Variants in RPS6KC1 observed in about 807,000 individuals in gnomAD.
RPS6KC1 encodes ribosomal protein S6 kinase C1.
RPS6KC1 carries 54 observed loss-of-function variants against 103.8 expected under a neutral mutation model. That is an observed-to-expected ratio of 0.52 (90% confidence interval 0.42 to 0.65). The LOEUF is 0.65. Ranked by LOEUF, RPS6KC1 falls within the 30% of genes least tolerant of loss-of-function variation. The pLI is 0.00. For missense variants in RPS6KC1, 1,151 were observed against 1,253.8 expected (o/e 0.92, Z 1.24); for synonymous variants, 439 against 438.7 (o/e 1.00, Z -0.01).
chr1:213,392,297 G>C, the RPS6KC1 span, among the ~76,000 whole-genome samples: 1 of 152,086 alleles, frequency 6.6e-6, no homozygotes. Flanking sequence ...AGTGTGAGTA[G>C]GGAAGGCAGG....
chr1:213,331,152 G>A, the RPS6KC1 span, among the ~76,000 whole-genome samples: 1 of 152,230 alleles, frequency 6.6e-6, no homozygotes, highest in Admixed American at 6.5e-5. Flanking sequence ...CAGGAGACTA[G>A]TAAGCTAAAA....
At chr1:213,851,480 T>C in the RPS6KC1 span, among the ~76,000 whole-genome samples, 2 of 152,208 alleles carry the variant, frequency 1.3e-5, no homozygotes, top group Non-Finnish European at 2.9e-5. Context: ...ATCTTAAATG[T>C]TGACACCCTC....
the RPS6KC1 span, among the ~76,000 whole-genome samples, chr1:213,453,115 C>G: frequency 2.6e-5 from 4 of 152,048 alleles, no homozygotes; most frequent in Admixed American, 2.0e-4. Flanking sequence ...CCTTGTTATT[C>G]TCATCCACTG....
chr1:213,489,400 C>T, the RPS6KC1 span, among the ~76,000 whole-genome samples: 2 of 152,054 alleles, frequency 1.3e-5, no homozygotes, highest in Admixed American at 6.6e-5. Context: ...AGGGACATAA[C>T]GCTTAGGAAT....
At chr1:213,572,217 G>T in the RPS6KC1 span, among the ~76,000 whole-genome samples, 3,341 of 152,344 alleles carry the variant, frequency 0.022, 48 homozygotes, top group Middle Eastern at 0.037. Flanking sequence ...TGGAGGGGAA[G>T]GCTGGAGCTG....
intron 6 of RPS6KC1, among the ~76,000 whole-genome samples, chr1:213,140,740 G>A (rs951210902): frequency 5.9e-5 from 9 of 151,890 alleles, no homozygotes; most frequent in Non-Finnish European, 4.4e-5. Context: ...CCTTTTGCTA[G>A]TATTTTATTG....
the RPS6KC1 span, among the ~76,000 whole-genome samples, chr1:213,369,866 G>A: frequency 6.6e-6 from 1 of 152,168 alleles, no homozygotes; most frequent in Admixed American, 6.5e-5. Context: ...GCCTGGGTTC[G>A]GGGGAAGTGA....
intron 6 of RPS6KC1, among the ~76,000 whole-genome samples, chr1:213,132,378 A>G (rs1484513720): frequency 1.3e-5 from 2 of 152,218 alleles, no homozygotes; most frequent in Non-Finnish European, 1.5e-5. Context: ...CAGACAAACT[A>G]TGGGAACCAC....
the RPS6KC1 span, among the ~76,000 whole-genome samples, chr1:213,541,829 G>C: frequency 6.6e-6 from 1 of 152,134 alleles, no homozygotes; most frequent in Non-Finnish European, 1.5e-5. Flanking sequence ...GGGAGGGCCT[G>C]GGCAAAACTT....
At chr1:213,165,713 G>A (rs983964357) in intron 6 of RPS6KC1, among the ~76,000 whole-genome samples, 3 of 152,066 alleles carry the variant, frequency 2.0e-5, no homozygotes, top group South Asian at 2.1e-4. Context: ...GTGAGCCACC[G>A]CGCCCGGCCA....
the RPS6KC1 span, among the ~76,000 whole-genome samples, chr1:213,387,076 G>T: frequency 6.6e-6 from 1 of 152,176 alleles, no homozygotes; most frequent in African/African-American, 2.4e-5. Context: ...GGACAAGCTG[G>T]ACACAGCACC....
At chr1:213,845,736 A>G in the RPS6KC1 span, among the ~76,000 whole-genome samples, 1 of 152,154 alleles carries the variant, frequency 6.6e-6, no homozygotes, top group Non-Finnish European at 1.5e-5. Context: ...TGGTTCCTCC[A>G]CTTTCTAGCT....
chr1:213,759,461 A>AT, the RPS6KC1 span, among the ~76,000 whole-genome samples: 1 of 152,040 alleles, frequency 6.6e-6, no homozygotes, highest in Non-Finnish European at 1.5e-5. Flanking sequence ...TTTCTGTTTC[A>AT]TTTACTCATT....
the RPS6KC1 span, among the ~76,000 whole-genome samples, chr1:213,526,829 T>C: frequency 6.6e-6 from 1 of 152,236 alleles, no homozygotes; most frequent in East Asian, 1.9e-4. Context: ...TTAGCCCAAT[T>C]TGTGTTACTG....
At chr1:213,446,784 T>C in the RPS6KC1 span, among the ~76,000 whole-genome samples, 3 of 152,190 alleles carry the variant, frequency 2.0e-5, no homozygotes, top group Admixed American at 2.0e-4. Flanking sequence ...ATGATTTTAA[T>C]TTTTGTCTTG....
the RPS6KC1 span, among the ~76,000 whole-genome samples, chr1:213,721,688 G>C: frequency 1.3e-5 from 2 of 152,140 alleles, no homozygotes; most frequent in Non-Finnish European, 2.9e-5. Flanking sequence ...ATAGCTCAGG[G>C]CATCTTAAAA....
chr1:213,623,696 G>A, the RPS6KC1 span, among the ~76,000 whole-genome samples: 1 of 152,292 alleles, frequency 6.6e-6, no homozygotes, highest in Non-Finnish European at 1.5e-5. Flanking sequence ...TATTCAGTGA[G>A]TATATGTTGA....
chr1:213,765,878 T>G, the RPS6KC1 span, among the ~76,000 whole-genome samples: 1 of 152,198 alleles, frequency 6.6e-6, no homozygotes. Flanking sequence ...TTACTGTAAG[T>G]TATTTGTTCT....
At chr1:213,700,894 A>G in the RPS6KC1 span, among the ~76,000 whole-genome samples, 22 of 152,112 alleles carry the variant, frequency 1.4e-4, no homozygotes, top group Admixed American at 1.4e-3. Flanking sequence ...TAATTTTTGT[A>G]TGTTGATTTT....
Sources: gnomAD v4.1 joint callset for allele counts (sites outside exome capture counted in the v4.1 genomes callset) on GRCh38, gnomAD v4.1.1 for gene constraint, MANE v1.5 for transcripts, NCBI Gene and HGNC (gene_info 2026-07-23, HGNC 2026-07-21) for gene names.